The following CFAP299 variants were observed in gnomAD, a reference collection of about 807,000 sequenced individuals.
The protein encoded by CFAP299 is cilia- and flagella-associated protein 299.
A neutral mutation model predicts 27.0 loss-of-function variants in CFAP299; 21 were observed. The ratio of observed to expected loss-of-function variants is 0.78; its 90% CI spans 0.55 to 1.12. CFAP299 has a LOEUF of 1.12. Ranked by LOEUF, CFAP299 falls within the 50% of genes most tolerant of loss-of-function variation. The pLI is 0.00. For missense variants in CFAP299, 310 were observed against 276.6 expected (o/e 1.12, Z -0.86); for synonymous variants, 104 against 98.1 (o/e 1.06, Z -0.36).
At chr4:80,882,813 G>A (rs1013927718) in intron 4 of CFAP299, among the ~76,000 whole-genome samples, 2 of 151,858 alleles carry the variant, frequency 1.3e-5, no homozygotes, top group Admixed American at 6.6e-5. Flanking sequence ...AATAATATAC[G>A]AGCAAAGCTA....
rs569108903 is a variant in CFAP299 at position 80,632,243 on chromosome 4, A to G, written c.333+49060A>G. 2.6e-5 allele frequency among the ~76,000 whole-genome samples: 4 copies of G among 152,252 alleles called. No individual in the cohort carries two copies. The East Asian group carries it at 7.7e-4, about 29-fold the overall frequency. ...AAAATAATTTTCTTGTATCAAAATT[A>G]TTTTAAAAACAATTTGGTTTTCCTT... On this transcript the variant is annotated intron_variant, in intron 3 of 5. Coordinates refer to ENST00000358105, the MANE Select transcript of CFAP299 (RefSeq NM_152770.3).
chr4:80,835,378 G>A (rs1287187766), intron 3 of CFAP299, among the ~76,000 whole-genome samples: 3 of 151,722 alleles, frequency 2.0e-5, no homozygotes, highest in African/African-American at 7.3e-5. Flanking sequence ...TAATCTGCAC[G>A]TACATCACCT....
intron 2 of CFAP299, among the ~76,000 whole-genome samples, chr4:80,484,774 G>A (rs1730726685): frequency 6.6e-6 from 1 of 152,112 alleles, no homozygotes; most frequent in Non-Finnish European, 1.5e-5. Flanking sequence ...TAGTACAGAT[G>A]TCGGCATCTA....
At chr4:80,438,443 T>C (rs975851927) in intron 2 of CFAP299, among the ~76,000 whole-genome samples, 14 of 152,242 alleles carry the variant, frequency 9.2e-5, no homozygotes, top group African/African-American at 3.4e-4. Context: ...TTTATTTTTC[T>C]TCTACCAACA....
At chr4:80,377,713 CTT>C (rs1724488190) in intron 2 of CFAP299, among the ~76,000 whole-genome samples, 1 of 151,984 alleles carries the variant, frequency 6.6e-6, no homozygotes, top group African/African-American at 2.4e-5. Context: ...CATATTGAGT[CTT>C]TTGATCTATG....
chr4:80,845,686 G>A (rs780293565), intron 3 of CFAP299, among the ~76,000 whole-genome samples: 65 of 152,134 alleles, frequency 4.3e-4, no homozygotes, highest in Admixed American at 1.0e-3. Flanking sequence ...TTCAACTACC[G>A]TATCTGCTAG....
chr4:80,645,737 A>G (rs1011704899), intron 3 of CFAP299, among the ~76,000 whole-genome samples: 3 of 152,158 alleles, frequency 2.0e-5, no homozygotes, highest in African/African-American at 7.2e-5. Context: ...GTCTCTTGGA[A>G]TATTTTTGAG....
intron 2 of CFAP299, among the ~76,000 whole-genome samples, chr4:80,549,949 A>C (rs912448139): frequency 6.6e-6 from 1 of 152,016 alleles, no homozygotes; most frequent in East Asian, 1.9e-4. Context: ...TACTTTGTCA[A>C]ATTTTTTCTC....
chr4:80,759,755 T>C (rs1725447554), intron 3 of CFAP299, among the ~76,000 whole-genome samples: 1 of 152,194 alleles, frequency 6.6e-6, no homozygotes, highest in Non-Finnish European at 1.5e-5. Flanking sequence ...TTAATAAAAA[T>C]AGAAATAATT....
At chr4:80,799,913 A>G (rs1241765203) in intron 3 of CFAP299, among the ~76,000 whole-genome samples, 1 of 42,842 alleles carries the variant, frequency 2.3e-5, no homozygotes, top group Non-Finnish European at 3.8e-5. Context: ...ATAATATAAT[A>G]TATAATATAT....
At chr4:80,731,446 T>G (rs1723517246) in intron 3 of CFAP299, among the ~76,000 whole-genome samples, 1 of 152,220 alleles carries the variant, frequency 6.6e-6, no homozygotes, top group African/African-American at 2.4e-5. Flanking sequence ...AAAATAACTT[T>G]CAAATTAGAA....
intron 2 of CFAP299, among the ~76,000 whole-genome samples, chr4:80,511,192 C>T (rs889803781): frequency 2.0e-5 from 3 of 152,064 alleles, no homozygotes; most frequent in African/African-American, 7.2e-5. Context: ...TTTCTTTATG[C>T]CTCCCCTTAT....
chr4:80,428,680 C>G (rs1490195243), intron 2 of CFAP299, among the ~76,000 whole-genome samples: 1 of 145,156 alleles, frequency 6.9e-6, no homozygotes, highest in African/African-American at 2.5e-5. Flanking sequence ...GTGCCTGCCA[C>G]CATGCCTCGC....
chr4:80,542,667 T>C (rs1301433105), intron 2 of CFAP299, among the ~76,000 whole-genome samples: 1 of 152,058 alleles, frequency 6.6e-6, no homozygotes, highest in East Asian at 1.9e-4. Flanking sequence ...CCAGAGTCTC[T>C]GCCTGGCTGT....
chr4:80,886,950 C>G (rs1380073692), intron 4 of CFAP299, among the ~76,000 whole-genome samples: 1 of 151,896 alleles, frequency 6.6e-6, no homozygotes, highest in African/African-American at 2.4e-5. Flanking sequence ...AAGAATGTAT[C>G]AGAGTCTCTT....
At chr4:80,582,834 T>C (rs532696976) in intron 2 of CFAP299, among the ~76,000 whole-genome samples, 5 of 151,946 alleles carry the variant, frequency 3.3e-5, no homozygotes, top group African/African-American at 9.6e-5. Flanking sequence ...AAGAACGAAA[T>C]GGGCATGTAA....
chr4:80,540,168 G>T, intron 2 of CFAP299, among the ~76,000 whole-genome samples: 1 of 152,150 alleles, frequency 6.6e-6, no homozygotes, highest in East Asian at 1.9e-4. Context: ...ACTCCTTAAG[G>T]TGTTTCAATA....
At chr4:80,860,052 C>G (rs1732217961) in intron 3 of CFAP299, among the ~76,000 whole-genome samples, 1 of 152,210 alleles carries the variant, frequency 6.6e-6, no homozygotes, top group Non-Finnish European at 1.5e-5. Context: ...GTACACCAAT[C>G]AAACGTAGAT....
At chr4:80,769,507 C>A (rs1726088081) in intron 3 of CFAP299, among the ~76,000 whole-genome samples, 1 of 152,118 alleles carries the variant, frequency 6.6e-6, no homozygotes, top group African/African-American at 2.4e-5. Context: ...GATCCTCCTA[C>A]CTCAGCCTCC....
Sources: gnomAD v4.1 joint callset for allele counts (sites outside exome capture counted in the v4.1 genomes callset) on GRCh38, gnomAD v4.1.1 for gene constraint, MANE v1.5 for transcripts, NCBI Gene and HGNC (gene_info 2026-07-23, HGNC 2026-07-21) for gene names.